PRICKLE2: variants seen among roughly 807,000 people sequenced by gnomAD.
PRICKLE2 encodes the protein prickle planar cell polarity protein 2, also known as prickle-like protein 2.
PRICKLE2 carries 21 observed loss-of-function variants against 81.4 expected under a neutral mutation model. The ratio of observed to expected loss-of-function variants is 0.26; its 90% CI spans 0.18 to 0.37. PRICKLE2 has a LOEUF of 0.37. Among genes scored for constraint, PRICKLE2 ranks in the 10% least tolerant of loss-of-function variants. The probability of loss-of-function intolerance (pLI) is 1.00; values close to 1 mark genes in which losing one functional copy is unlikely to be tolerated. For synonymous variants in PRICKLE2, 456 were observed against 421.5 expected (o/e 1.08, Z -1.00); for missense variants, 940 against 1,109.0 (o/e 0.85, Z 2.16).
intron 6 of PRICKLE2, among the ~76,000 whole-genome samples, chr3:64,151,010 G>A (rs1162214891): frequency 6.6e-6 from 1 of 152,212 alleles, no homozygotes; most frequent in African/African-American, 2.4e-5. Flanking sequence ...ACTTCTTGGA[G>A]GGTGTGTGTG....
At chr3:64,149,969 CTT>C (rs34841544) in intron 6 of PRICKLE2, among the ~76,000 whole-genome samples, 12,913 of 109,302 alleles carry the variant, frequency 0.12, 608 homozygotes, top group South Asian at 0.17. Flanking sequence ...TCAACTCCAT[CTT>C]TTTTTTTTTT....
chr3:64,120,583 T>C (rs1277897619), intron 7 of PRICKLE2, among the ~76,000 whole-genome samples: 1 of 152,170 alleles, frequency 6.6e-6, no homozygotes, highest in Non-Finnish European at 1.5e-5. Context: ...AATGAAAATC[T>C]GAATCCACTA....
At chr3:64,158,189 G>A (rs913077507) in intron 4 of PRICKLE2, among the ~76,000 whole-genome samples, 8 of 152,248 alleles carry the variant, frequency 5.3e-5, no homozygotes, top group African/African-American at 1.7e-4. Flanking sequence ...CACAGGTTGA[G>A]TATAGTTCTA....
chr3:64,214,611 G>C (rs958805967), intron 1 of PRICKLE2, among the ~76,000 whole-genome samples: 1 of 152,180 alleles, frequency 6.6e-6, no homozygotes, highest in African/African-American at 2.4e-5. Context: ...TGAAAGGAAG[G>C]AGGAAAGTAC....
At chr3:64,236,531 A>G (rs574410699) in intron 2 of PRICKLE2, among the ~76,000 whole-genome samples, 1 of 152,358 alleles carries the variant, frequency 6.6e-6, no homozygotes, top group African/African-American at 2.4e-5. Context: ...ATGTAACTAC[A>G]GCTTACATAT....
intron 1 of PRICKLE2, among the ~76,000 whole-genome samples, chr3:64,205,255 C>T (rs143007832): frequency 2.6e-5 from 4 of 152,246 alleles, no homozygotes; most frequent in Non-Finnish European, 2.9e-5. Context: ...TACCCCAAAA[C>T]AACCTCTGCA....
At chr3:64,260,051 G>A (rs1003094947) in intron 2 of PRICKLE2, among the ~76,000 whole-genome samples, 4 of 152,128 alleles carry the variant, frequency 2.6e-5, no homozygotes, top group Non-Finnish European at 5.9e-5. Context: ...AGAATCACCA[G>A]GTTTGGAAAA....
intron 1 of PRICKLE2, among the ~76,000 whole-genome samples, chr3:64,211,509 T>G (rs547081664): frequency 2.2e-4 from 33 of 152,320 alleles, no homozygotes; most frequent in African/African-American, 7.9e-4. Flanking sequence ...CAATTTATTC[T>G]CAGATGGTTC....
At chr3:64,200,442 T>C (rs1192621167) in intron 1 of PRICKLE2, 2 of 152,190 alleles carry the variant, frequency 1.3e-5, no homozygotes, top group Non-Finnish European at 2.9e-5. Context: ...TAATTTTTTG[T>C]GTGGATATTT....
chr3:64,217,556 T>C (rs1403728778), intron 1 of PRICKLE2, among the ~76,000 whole-genome samples: 1 of 152,154 alleles, frequency 6.6e-6, no homozygotes, highest in Non-Finnish European at 1.5e-5. Context: ...TCCAGCACAC[T>C]TAGGCTATTG....
intron 2 of PRICKLE2, among the ~76,000 whole-genome samples, chr3:64,252,679 C>T (rs544346579): frequency 2.6e-5 from 4 of 152,138 alleles, no homozygotes; most frequent in Non-Finnish European, 5.9e-5. Flanking sequence ...AGTCAGGAAA[C>T]TTTTGTGAAA....
intron 7 of PRICKLE2, among the ~76,000 whole-genome samples, chr3:64,139,050 AGTTGTTG>A (rs1213921833): frequency 2.0e-5 from 3 of 152,268 alleles, no homozygotes; most frequent in African/African-American, 7.2e-5. Context: ...GAGTGGTTCC[AGTTGTTG>A]CTTTATATCC....
intron 7 of PRICKLE2, among the ~76,000 whole-genome samples, chr3:64,127,579 A>G (rs1473568535): frequency 6.6e-6 from 1 of 152,134 alleles, no homozygotes. Context: ...CTGATCACAC[A>G]GGGAACATTC....
intron 2 of PRICKLE2, among the ~76,000 whole-genome samples, chr3:64,173,730 C>T (rs188026245): frequency 1.3e-5 from 2 of 152,298 alleles, no homozygotes; most frequent in East Asian, 3.9e-4. Context: ...TGATCTGTTG[C>T]CCAACTCTGT....
chr3:64,171,345 T>C (rs173859), intron 2 of PRICKLE2, among the ~76,000 whole-genome samples: 152,333 of 152,342 alleles, frequency 1, 76,162 homozygotes, highest in Non-Finnish European at 1. Context: ...GGGAGGGAGC[T>C]GCTTTGGCAC....
At chr3:64,247,856 C>T (rs934411404) in intron 2 of PRICKLE2, among the ~76,000 whole-genome samples, 1 of 152,138 alleles carries the variant, frequency 6.6e-6, no homozygotes, top group Non-Finnish European at 1.5e-5. Context: ...GGGCCTCAAA[C>T]ACAAGTGGTT....
chr3:64,206,640 C>T lies in PRICKLE2; in HGVS notation c.-40-7673G>A, dbSNP rs565529202. On this transcript the variant is annotated intron_variant, in intron 1 of 7. Coordinates refer to ENST00000638394, the MANE Select transcript of PRICKLE2 (RefSeq NM_198859.4). ...CCCAAGTCCATGGCTAGATCAGGTT[C>T]AGGCCACTTTCATGCACAGGGACAA... is the stretch of plus-strand genomic sequence containing the variant. 3.3e-5 allele frequency among the ~76,000 whole-genome samples: 5 copies of T among 152,294 alleles called. No homozygotes were observed. In the East Asian group the frequency reaches 9.7e-4, roughly 29 times the overall value.
intron 1 of PRICKLE2, among the ~76,000 whole-genome samples, chr3:64,201,948 A>G (rs927691447): frequency 6.6e-6 from 1 of 152,110 alleles, no homozygotes; most frequent in Non-Finnish European, 1.5e-5. Context: ...CTTCATTCTC[A>G]TGTGGCTATC....
intron 2 of PRICKLE2, among the ~76,000 whole-genome samples, chr3:64,167,580 A>T (rs958843875): frequency 2.6e-5 from 4 of 152,240 alleles, no homozygotes; most frequent in African/African-American, 7.2e-5. Context: ...AAAGTCTACA[A>T]AGCAAAGCCT....
Sources: allele counts gnomAD v4.1 joint callset (sites outside exome capture counted in the v4.1 genomes callset), GRCh38; gene constraint gnomAD v4.1.1; transcripts MANE v1.5; gene names NCBI Gene and HGNC (gene_info 2026-07-23, HGNC 2026-07-21).